Variants in WARS2 observed in about 807,000 individuals in gnomAD.
WARS2 encodes the protein tryptophan--tRNA ligase, mitochondrial.
In WARS2, 28 loss-of-function variants were observed where a neutral mutation model predicts 36.5. The observed-to-expected ratio is 0.77, with a 90% CI of 0.57 to 1.05. The LOEUF (loss-of-function observed/expected upper bound fraction) is 1.05, where lower values mean the gene tolerates loss of function less well. Among genes scored for constraint, WARS2 ranks in the 50% least tolerant of loss-of-function variants. The pLI is 0.00. For synonymous variants in WARS2, 174 were observed against 178.4 expected (o/e 0.98, Z 0.20); for missense variants, 435 against 456.8 (o/e 0.95, Z 0.44).
intron 2 of WARS2, among the ~76,000 whole-genome samples, chr1:119,060,061 C>A (rs766311139): frequency 2.0e-5 from 3 of 152,080 alleles, no homozygotes; most frequent in Non-Finnish European, 2.9e-5. Flanking sequence ...ATGTAACAAA[C>A]CTGCACTTGT....
At chr1:119,063,378 C>T (rs1405107782) in intron 2 of WARS2, 8 of 152,128 alleles carry the variant, frequency 5.3e-5, no homozygotes, top group Non-Finnish European at 1.2e-4. Context: ...CTATGCAAAA[C>T]CAATTTTCTG....
chr1:119,054,446 T>C (rs2101169603), intron 2 of WARS2, among the ~76,000 whole-genome samples: 1 of 152,302 alleles, frequency 6.6e-6, no homozygotes, highest in East Asian at 1.9e-4. Context: ...TCTTGTATAC[T>C]GTTGATAGGA....
At chr1:119,063,348 T>C (rs1571302740) in intron 2 of WARS2, 1 of 152,246 alleles carries the variant, frequency 6.6e-6, no homozygotes, top group East Asian at 1.9e-4. Flanking sequence ...AGCTAAAAGT[T>C]TGGAAAATTT....
chr1:119,088,527 G>A (rs1163948806), intron 1 of WARS2, among the ~76,000 whole-genome samples: 1 of 151,644 alleles, frequency 6.6e-6, no homozygotes, highest in East Asian at 1.9e-4. Flanking sequence ...ACATTTCAAG[G>A]TAATGAAATC....
intron 1 of WARS2, among the ~76,000 whole-genome samples, chr1:119,123,082 A>G (rs1655432916): frequency 6.6e-6 from 1 of 152,216 alleles, no homozygotes; most frequent in Non-Finnish European, 1.5e-5. Flanking sequence ...CAAAGGAAAT[A>G]GTGACCACAC....
chr1:119,124,024 C>A (rs1287410302), intron 1 of WARS2, among the ~76,000 whole-genome samples: 1 of 152,144 alleles, frequency 6.6e-6, no homozygotes, highest in Non-Finnish European at 1.5e-5. Flanking sequence ...CTCCTGATAA[C>A]CCCTGATCTT....
intron 2 of WARS2, among the ~76,000 whole-genome samples, chr1:119,051,424 C>A (rs1335371575): frequency 6.6e-6 from 1 of 152,072 alleles, no homozygotes; most frequent in Non-Finnish European, 1.5e-5. Flanking sequence ...TGTACATTTT[C>A]TTTATTCAAT....
At chr1:119,047,931 T>C (rs1214460652) in intron 2 of WARS2, among the ~76,000 whole-genome samples, 1 of 152,226 alleles carries the variant, frequency 6.6e-6, no homozygotes, top group Non-Finnish European at 1.5e-5. Flanking sequence ...CATTCTTCAG[T>C]TGCAGCAGTT....
At chr1:119,053,084 CA>C (rs1649498407) in intron 2 of WARS2, among the ~76,000 whole-genome samples, 1 of 152,204 alleles carries the variant, frequency 6.6e-6, no homozygotes, top group Admixed American at 6.5e-5. Flanking sequence ...TGGGTGAGGA[CA>C]TATAATCCTC....
At chr1:119,082,421 T>C (rs970688439) in intron 1 of WARS2, 10 of 985,332 alleles carry the variant, frequency 1.0e-5, no homozygotes, top group African/African-American at 3.5e-5. Flanking sequence ...AAACATGCCC[T>C]GGCCCTTTCA....
chr1:119,114,470 G>A (rs2101513783), intron 1 of WARS2, among the ~76,000 whole-genome samples: 1 of 152,284 alleles, frequency 6.6e-6, no homozygotes, highest in South Asian at 2.1e-4. Context: ...GTCCCTAAAT[G>A]AGGAGAAGAT....
At chr1:119,033,989 C>A in intron 5 of WARS2, 106 bp downstream of exon 5, 1 of 922,862 alleles carries the variant, frequency 1.1e-6, no homozygotes, top group South Asian at 1.6e-5. Flanking sequence ...TGAAGCCTGT[C>A]TACAAGAAAG....
intron 1 of WARS2, among the ~76,000 whole-genome samples, chr1:119,131,458 G>GTTTTTTTTTTT (rs761800862): frequency 2.2e-5 from 3 of 134,302 alleles, no homozygotes; most frequent in African/African-American, 8.8e-5. Flanking sequence ...AAAGTTTTTT[G>GTTTTTTTTTTT]TTTTTTGTTT....
intron 1 of WARS2, among the ~76,000 whole-genome samples, chr1:119,079,630 G>A (rs1652037429): frequency 6.6e-6 from 1 of 152,162 alleles, no homozygotes; most frequent in South Asian, 2.1e-4. Flanking sequence ...CTTTTGATAT[G>A]TGAGTGCCAA....
chr1:119,042,389 A>C (rs770708427), intron 3 of WARS2, 40 bp from the exon 4 acceptor site: 1 of 1,594,292 alleles, frequency 6.3e-7, no homozygotes. Flanking sequence ...GAAATCTGAA[A>C]TCTGACTTGA....
intron 2 of WARS2, among the ~76,000 whole-genome samples, chr1:119,051,040 T>A (rs892504882): frequency 2.0e-5 from 3 of 152,262 alleles, no homozygotes; most frequent in African/African-American, 7.2e-5. Context: ...TTTTTTTAAA[T>A]TTTATTTTAG....
chr1:119,078,810 A>C (rs587698511), intron 1 of WARS2, among the ~76,000 whole-genome samples: 5 of 152,170 alleles, frequency 3.3e-5, no homozygotes, highest in East Asian at 1.9e-4. Context: ...TAAGTACTTA[A>C]TTTTATGAAT....
chr1:119,098,171 C>T (rs938267550), intron 1 of WARS2, among the ~76,000 whole-genome samples: 5 of 152,148 alleles, frequency 3.3e-5, no homozygotes, highest in Admixed American at 2.0e-4. Context: ...ATCGCTTGAA[C>T]CCAGGAGGTG....
At chr1:119,090,758 T>C (rs1365869663) in intron 1 of WARS2, among the ~76,000 whole-genome samples, 1 of 152,068 alleles carries the variant, frequency 6.6e-6, no homozygotes, top group African/African-American at 2.4e-5. Flanking sequence ...TAGCCAGGCA[T>C]GGTAGCACAT....
Sources: gnomAD v4.1 joint callset for allele counts (sites outside exome capture counted in the v4.1 genomes callset) on GRCh38, gnomAD v4.1.1 for gene constraint, MANE v1.5 for transcripts, NCBI Gene and HGNC (gene_info 2026-07-23, HGNC 2026-07-21) for gene names.